HSPG2: variants seen among roughly 807,000 people sequenced by gnomAD.
HSPG2 encodes the protein heparan sulfate proteoglycan 2.
In HSPG2, 278 loss-of-function variants were observed where a neutral mutation model predicts 526.6. The observed-to-expected ratio is 0.53, with a 90% CI of 0.48 to 0.58. The LOEUF is 0.58. HSPG2 is among the 20% of genes least tolerant of loss of function. The pLI, the probability that HSPG2 is intolerant of heterozygous loss-of-function variation, is 0.00. For synonymous variants in HSPG2, 2,465 were observed against 2,555.4 expected, an observed-to-expected ratio of 0.96 and a Z score of 1.07; for missense variants, 5,354 against 6,099.5, an observed-to-expected ratio of 0.88 and a Z score of 4.07.
rs140328908 is a variant in HSPG2, at chr1:21,834,805, C to T, written c.10594G>A (p.Gly3532Ser). The change falls in exon 77 of 97, where the codon GGC becomes AGC. Residue 3532 changes from glycine to serine, a missense_variant. By Grantham distance (56) the Gly-to-Ser change is moderately conservative (BLOSUM62 0). Transcript: ENST00000374695. ...ACGACACCTCCGCTCTGCACAATGC[C>T]TGGCCGCAGGTGCCCTCCAACTTTG... Reference protein sequence around the residue: ...WSKVGGHLRPGIVQSGGVVRI... With the variant: ...WSKVGGHLRPSIVQSGGVVRI... The T allele has an allele frequency of 6.2e-6, 10 of 1,614,122 alleles. No homozygotes were observed. Among genetic ancestry groups the T allele is most frequent in the Non-Finnish European group, 8.5e-6 (10 of 1,180,056 alleles).
At position 21,908,130 on chromosome 1, in the gene HSPG2, C is replaced by A. The variant is rs1003018916; in HGVS notation, c.64-11820G>T. The stretch of plus-strand genomic sequence containing the variant: ...ACACAAAGGGAAAGAGGAGAGGCAC[C>A]CAATAGATGTTCTCCAGGCCTTTTA... On this transcript the variant is annotated intron_variant, in intron 1 of 96. Coordinates refer to ENST00000374695, the MANE Select transcript of HSPG2 (RefSeq NM_005529.7). 56 of 819,772 alleles carry A rather than the reference C, an allele frequency of 6.8e-5. No homozygotes were observed. The East Asian group carries it at 1.0e-3, about 15-fold the overall frequency. The allele number at this position is 819,772 out of a possible 1,614,324, so 50.8% of individuals were successfully genotyped here.
rs1433786790 is a variant in HSPG2 at position 21,880,786 on chromosome 1, G to A, written c.1868C>T (p.Ala623Val). 7.5e-6 allele frequency: 12 copies of A among 1,598,500 alleles called. No individual in the cohort carries two copies. The highest frequency in any genetic ancestry group is 1.7e-5 in the Admixed American group (1 of 57,946). ...CTGCACTGGCTCCAGCATGCCACGGGCCAACTCGTAGCGCACGTTGTAACG... is the reference window on the plus strand; with the variant it reads ...CTGCACTGGCTCCAGCATGCCACGGACCAACTCGTAGCGCACGTTGTAACG... Reference protein sequence around the residue: ...SLRYNVRYELARGMLEPVQRP... With the variant: ...SLRYNVRYELVRGMLEPVQRP... The change falls in exon 15 of 97, where the codon GCC (alanine) becomes GTC (valine). Residue 623 changes from alanine to valine, a missense_variant. Ala to Val is a moderately conservative substitution (Grantham distance 64). Coordinates refer to ENST00000374695, the MANE Select transcript of HSPG2 (RefSeq NM_005529.7).
Position 21,865,682 on chromosome 1 carries a change from C to CT in HSPG2, c.4314+34dup. The CT allele has an allele frequency of 6.4e-7, 1 of 1,552,970 alleles. No individual in the cohort carries two copies. Among genetic ancestry groups the CT allele is most frequent in the Non-Finnish European group, 8.9e-7 (1 of 1,124,622 alleles). ...GGGTGCCCCTGGCTTCCATCCTGCC[C>CT]TTCTGCCCACCCAGCATGGTGTCCA... On this transcript the variant is annotated intron_variant, in intron 34 of 96. Coordinates refer to ENST00000374695, the MANE Select transcript of HSPG2 (RefSeq NM_005529.7). This position sits in a 1 kb window ranked among gnomAD's most constrained non-coding sequence, Gnocchi z 5.4.
chr1:21,875,283 T>C, intron 25 of HSPG2: 1 of 595,728 alleles, frequency 1.7e-6, no homozygotes, highest in Non-Finnish European at 3.0e-6. Flanking sequence ...CCCACGGGCC[T>C]GAAAGAACGA....
At position 21,848,799 on chromosome 1, in the gene HSPG2, G is replaced by A. The variant is rs372612305; in HGVS notation, c.7586-5C>T. 4 of 1,613,638 alleles carry A rather than the reference G, an allele frequency of 2.5e-6. No individual in the cohort carries two copies. Among genetic ancestry groups the A allele is most frequent in the East Asian group, 2.2e-5 (1 of 44,866 alleles). On this transcript the variant is annotated splice_region_variant and splice_polypyrimidine_tract_variant and intron_variant, in intron 58 of 96. Transcript: ENST00000374695. This position sits in a 1 kb window ranked among gnomAD's most constrained non-coding sequence, Gnocchi z 4.9. ...CGGGGTACGCCACACCCTGGGCTGG[G>A]AGGGTGAGATGTAAGGCAGGGTGTG... is the stretch of plus-strand genomic sequence containing the variant.
intron 77 of HSPG2, among the ~76,000 whole-genome samples, chr1:21,834,276 T>G (rs151246235): frequency 6.6e-6 from 1 of 152,332 alleles, no homozygotes; most frequent in African/African-American, 2.4e-5. Context: ...AGGAATTGCC[T>G]TTAAAGAACA....
In HSPG2 at chr1:21,872,958, G is replaced by A. The variant is rs747649848; in HGVS notation, c.3888+39C>T. ...TTTCCCCGCAGGGTCTGGGCAGCGG[G>A]GCAGAGCAGGCCCCGCAGGGACAGG... is the stretch of plus-strand genomic sequence containing the variant. On this transcript the variant is annotated intron_variant, in intron 31 of 96. Transcript: ENST00000374695. This position sits in a 1 kb window ranked among gnomAD's most constrained non-coding sequence, Gnocchi z 5.5. 2.1e-5 allele frequency: 34 copies of A among 1,586,442 alleles called. No homozygotes were observed. The highest frequency in any genetic ancestry group is 2.9e-5 in the Non-Finnish European group (33 of 1,156,008).
intron 13 of HSPG2, among the ~76,000 whole-genome samples, chr1:21,883,292 TG>T (rs1177432242): frequency 6.6e-6 from 1 of 152,324 alleles, no homozygotes; most frequent in African/African-American, 2.4e-5. Context: ...GTAAATATAC[TG>T]GGGGACAACT....
intron 3 of HSPG2, among the ~76,000 whole-genome samples, chr1:21,891,721 C>T (rs1642377349): frequency 6.6e-6 from 1 of 152,092 alleles, no homozygotes; most frequent in Non-Finnish European, 1.5e-5. Context: ...AGCTATCCTC[C>T]CACTGCAGCC....
At chr1:21,849,108 G>A (rs1049221103) in intron 57 of HSPG2, 77 bp from the exon 58 acceptor site, 2 of 1,533,604 alleles carry the variant, frequency 1.3e-6, no homozygotes, top group Non-Finnish European at 1.8e-6. Flanking sequence ...TCCCTTCCCT[G>A]GTGCCACTCC....
intron 1 of HSPG2, among the ~76,000 whole-genome samples, chr1:21,924,573 C>G (rs1269359899): frequency 3.9e-5 from 6 of 151,992 alleles, no homozygotes; most frequent in Admixed American, 3.9e-4. Context: ...AAGAAAGGAG[C>G]CCATCTTGTG....
chr1:21,870,858 A>C (rs1361160368), intron 33 of HSPG2: 4 of 986,174 alleles, frequency 4.1e-6, no homozygotes, highest in Non-Finnish European at 4.8e-6. Flanking sequence ...GCATCCGCGC[A>C]AAGTACGCCT....
chr1:21,915,117 G>A (rs1374855282), intron 1 of HSPG2, among the ~76,000 whole-genome samples: 4 of 152,240 alleles, frequency 2.6e-5, no homozygotes, highest in East Asian at 1.9e-4. Context: ...GCCCTCACGG[G>A]CACCCGGCCA....
chr1:21,891,531 G>A (rs1189616855), intron 3 of HSPG2, among the ~76,000 whole-genome samples: 1 of 152,222 alleles, frequency 6.6e-6, no homozygotes, highest in Non-Finnish European at 1.5e-5. Context: ...TGCCTGCCGC[G>A]TGCCTGGTAC....
At position 21,875,649 on chromosome 1, in the gene HSPG2, G is replaced by C; in HGVS notation, c.3282C>G (p.Ala1094=). The C allele has an allele frequency of 6.2e-7, 1 of 1,602,160 alleles. No individual in the cohort carries two copies. The highest frequency in any genetic ancestry group is 8.5e-7 in the Non-Finnish European group (1 of 1,179,916). ...IDTLLIRASY[A]QQPAESRVSG... is the part of the protein sequence containing the mutation. ...GACACCTGCTCTCAGCGGGCTGCTG[G>C]GCGTAGGATGCTCGGATCAGGAGGG... Residue 1094 remains alanine (A), a synonymous_variant, in exon 25 of 97, where the codon GCC becomes GCG. Transcript: ENST00000374695.
At chr1:21,856,580 G>T (rs1418189357) in intron 44 of HSPG2, among the ~76,000 whole-genome samples, 3 of 148,040 alleles carry the variant, frequency 2.0e-5, no homozygotes, top group Non-Finnish European at 4.5e-5. Context: ...ACCACACCCA[G>T]CTAGTTTTTG....
At position 21,876,579 on chromosome 1, in the gene HSPG2, C is replaced by T; in HGVS notation, c.2759G>A (p.Gly920Asp). ...ACCCATGCAGAAGCACTTGAGGCAG[C>T]CATCGGGGTTTCGGGTACTCAGGTG... ...SFHLSTRNPDGCLKCFCMGVS... is the reference protein window; with the variant it reads ...SFHLSTRNPDDCLKCFCMGVS... The change falls in exon 22 of 97, where the codon GGC becomes GAC. Residue 920 changes from glycine (G) to aspartate (D), a missense_variant. Transcript: ENST00000374695. The T allele has an allele frequency of 6.2e-7, 1 of 1,614,210 alleles. No individual in the cohort carries two copies. The highest frequency in any genetic ancestry group is 8.5e-7 in the Non-Finnish European group (1 of 1,180,028).
intron 1 of HSPG2, among the ~76,000 whole-genome samples, chr1:21,914,230 C>CT (rs1643814070): frequency 6.6e-6 from 1 of 152,088 alleles, no homozygotes; most frequent in African/African-American, 2.4e-5. Flanking sequence ...GGTGAGAGTG[C>CT]TGAAAAGGAA....
chr1:21,872,220 T>G lies in HSPG2; in HGVS notation c.4187A>C (p.Tyr1396Ser), dbSNP rs1340052264. The change falls in exon 33 of 97, where the codon TAC (tyrosine) becomes TCC (serine). Residue 1396 changes from tyrosine (Y) to serine (S), a missense_variant. By Grantham distance (144) the Tyr-to-Ser change is moderately radical. Coordinates refer to ENST00000374695, the MANE Select transcript of HSPG2 (RefSeq NM_005529.7). This position sits in a 1 kb window ranked among gnomAD's most constrained non-coding sequence, Gnocchi z 5.5. ...CTGGTATGTCTCCGGCAGCTGCCAGTAGAAGGACTCATGGCCGAGTTGGGC... is the reference window on the plus strand; with the variant it reads ...CTGGTATGTCTCCGGCAGCTGCCAGGAGAAGGACTCATGGCCGAGTTGGGC... Reference protein sequence around the residue: ...NFAQLGHESFYWQLPETYQGD... With the variant: ...NFAQLGHESFSWQLPETYQGD... The G allele has an allele frequency of 6.4e-7, 1 of 1,552,036 alleles. No homozygotes were observed. Among genetic ancestry groups the G allele is most frequent in the Non-Finnish European group, 8.7e-7 (1 of 1,147,240 alleles).
Sources: gnomAD v4.1 joint callset for allele counts (sites outside exome capture counted in the v4.1 genomes callset) on GRCh38, gnomAD v4.1.1 for gene constraint, Gnocchi (gnomAD v3.1) non-coding constraint, MANE v1.5 for transcripts, NCBI Gene and HGNC (gene_info 2026-07-23, HGNC 2026-07-21) for gene names.